The following SLCO4A1 variants were observed in gnomAD, a reference collection of about 807,000 sequenced individuals.
The protein encoded by SLCO4A1 is solute carrier organic anion transporter family member 4A1.
Under a neutral mutation model 64.6 loss-of-function variants are expected in SLCO4A1, and 51 were observed. That is an observed-to-expected ratio of 0.79 (90% CI 0.63 to 1.00). The LOEUF (loss-of-function observed/expected upper bound fraction) is 1.00, where lower values mean the gene tolerates loss of function less well. Among genes scored for constraint, SLCO4A1 ranks in the 50% least tolerant of loss-of-function variants. The pLI is 0.00. For missense variants in SLCO4A1, 919 were observed against 980.5 expected, an observed-to-expected ratio of 0.94 and a Z score of 0.84; for synonymous variants, 471 against 444.9, an observed-to-expected ratio of 1.06 and a Z score of -0.74.
intron 1 of SLCO4A1, chr20:62,652,081 G>A (rs942403101): frequency 6.8e-5 from 5 of 73,066 alleles, no homozygotes; most frequent in African/African-American, 2.2e-4. Flanking sequence ...CCCCCTCCCC[G>A]TGCCAGCACG....
At chr20:62,666,694 GGACAGCGGCAA>G in intron 7 of SLCO4A1, 119 bp downstream of exon 7, 1 of 897,680 alleles carries the variant, frequency 1.1e-6, no homozygotes, top group African/African-American at 1.7e-5. Context: ...CTACGTCACA[GGACAGCGGCAA>G]GGGCAACACC....
intron 2 of SLCO4A1, among the ~76,000 whole-genome samples, chr20:62,682,235 G>A (rs940362463): frequency 2.6e-5 from 4 of 152,204 alleles, no homozygotes; most frequent in Non-Finnish European, 5.9e-5. Context: ...GGAGCCGTAC[G>A]CCTGCAGCAC....
intron 1 of SLCO4A1, among the ~76,000 whole-genome samples, chr20:62,655,885 A>C (rs62199880): frequency 0.92 from 140,272 of 152,042 alleles, 65,560 homozygotes; most frequent in East Asian, 1. Context: ...CTCCAGGACC[A>C]AGGTGGAGTC....
chr20:62,653,387 C>T (rs2257367), intron 1 of SLCO4A1, among the ~76,000 whole-genome samples: 74,180 of 152,140 alleles, frequency 0.49, 21,450 homozygotes, highest in East Asian at 0.82. Context: ...GGCCTGCTCC[C>T]GGCCTGACCA....
downstream of SLCO4A1, among the ~76,000 whole-genome samples, chr20:62,676,961 T>C (rs1240619266): frequency 6.6e-6 from 1 of 152,190 alleles, no homozygotes; most frequent in Non-Finnish European, 1.5e-5. Context: ...TGGCCGTCAA[T>C]CAGAAAGAAT....
Position 62,656,722 on chromosome 20 carries a change from GC to G in SLCO4A1, c.270del (p.Phe91SerfsTer28). On this transcript the variant is annotated frameshift_variant, in exon 2 of 12. Transcript: ENST00000217159. LOFTEE classifies it high-confidence loss of function. ...AGQSVACGWW[A>X]FAPPCLQVLN... Reference sequence around the variant, plus strand: ...GCAGAGCGTGGCGTGCGGCTGGTGGGCCTTCGCACCGCCGTGCCTGCAGGTC... The same window carrying G: ...GCAGAGCGTGGCGTGCGGCTGGTGGGCTTCGCACCGCCGTGCCTGCAGGTC... The G allele has an allele frequency of 6.2e-7, 1 of 1,611,038 alleles. No homozygotes were observed. The highest frequency in any genetic ancestry group is 8.5e-7 in the Non-Finnish European group (1 of 1,179,140).
chr20:62,651,059 G>A (rs534503162), intron 1 of SLCO4A1, among the ~76,000 whole-genome samples: 13 of 152,258 alleles, frequency 8.5e-5, no homozygotes, highest in African/African-American at 2.2e-4. Context: ...CCTCCTCATC[G>A]CCCTGAGAGT....
chr20:62,649,020 G>A (rs1355456129), intron 1 of SLCO4A1: 2 of 152,238 alleles, frequency 1.3e-5, no homozygotes, highest in South Asian at 2.1e-4. Context: ...CAACAGGATA[G>A]GTGGAAAGAG....
chr20:62,656,253 C>A (rs878922985), intron 1 of SLCO4A1, 106 bp from the exon 2 acceptor site: 4 of 549,882 alleles, frequency 7.3e-6, no homozygotes, highest in Non-Finnish European at 1.3e-5. Context: ...ACAAGGCAGG[C>A]AGAGCTTTGA....
chr20:62,660,285 T>C, intron 3 of SLCO4A1, 127 bp from the exon 4 acceptor site: 1 of 1,094,130 alleles, frequency 9.1e-7, no homozygotes. Context: ...CAGGGGCCTG[T>C]GTTGACCAGC....
rs1983943676 is a variant in SLCO4A1 at position 62,657,368 on chromosome 20, T to C, written c.796+118T>C. On this transcript the variant is annotated intron_variant, in intron 2 of 11. Coordinates refer to ENST00000217159, the MANE Select transcript of SLCO4A1 (RefSeq NM_016354.4). ...TGCCTTCGTGTACCCCTTGTCTGCA[T>C]GGCCCTGGGGCTGCTGCAAGAGTTG... The C allele has an allele frequency of 3.0e-6, 3 of 990,422 alleles. No homozygotes were observed. In the African/African-American group the frequency reaches 4.9e-5, roughly 16 times the overall value. 61.4% of individuals were successfully genotyped at this position (990,422 alleles called of 1,614,324 possible). A position where few individuals can be genotyped will look rare whatever the true frequency, so the allele number is the denominator to read the frequency against.
rs981226208 is a variant in SLCO4A1, at chr20:62,645,973, T to C, written c.-97+3420T>C. Among the ~76,000 whole-genome samples the C allele has an allele frequency of 6.6e-6, 1 of 152,146 alleles. No homozygotes were observed. The highest frequency in any genetic ancestry group is 1.9e-4 in the East Asian group (1 of 5,156). ...GGGGCCCTTGCATTTGCCACTGGAC[T>C]CTGCCTTTCGGGAGGCGCTGTGGAC... On this transcript the variant is annotated intron_variant, in intron 1 of 11. Coordinates refer to ENST00000217159, the MANE Select transcript of SLCO4A1 (RefSeq NM_016354.4). This position sits in a 1 kb window ranked among gnomAD's most constrained non-coding sequence, Gnocchi z 4.2.
At chr20:62,660,567 TG>T in intron 4 of SLCO4A1, 34 bp downstream of exon 4, 1 of 1,600,462 alleles carries the variant, frequency 6.2e-7, no homozygotes. Flanking sequence ...GCCTTCACAT[TG>T]GGAGACTGTC....
At chr20:62,666,249 G>T in intron 6 of SLCO4A1, 131 bp from the exon 7 acceptor site, 1 of 718,718 alleles carries the variant, frequency 1.4e-6, no homozygotes, top group Admixed American at 2.5e-5. Flanking sequence ...GTTGAGTGCT[G>T]CCATGCAGGC....
At position 62,656,916 on chromosome 20, in the gene SLCO4A1, C is replaced by CCT. The variant is rs765701485; in HGVS notation, c.465_466dup (p.Cys156SerfsTer127). 1 of 1,567,756 alleles carries CCT rather than the reference C, an allele frequency of 6.4e-7. No individual in the cohort carries two copies. The highest frequency in any genetic ancestry group is 2.3e-5 in the East Asian group (1 of 44,226). The stretch of plus-strand genomic sequence containing the variant: ...CCAGCTCCTACGACATTGCCGCCTG[C>CCT]CTCTGCCTCACCTTCGTCAGCTACT... On this transcript the variant is annotated frameshift_variant, in exon 2 of 12. Coordinates refer to ENST00000217159, the MANE Select transcript of SLCO4A1 (RefSeq NM_016354.4). LOFTEE classifies it high-confidence loss of function.
At chr20:62,677,189 T>G (rs1369361410), downstream of SLCO4A1, among the ~76,000 whole-genome samples, 4 of 152,222 alleles carry the variant, frequency 2.6e-5, no homozygotes, top group Admixed American at 6.5e-5. Context: ...GGTGCAGTGA[T>G]GAAATGTTCT....
chr20:62,660,592 G>C, intron 4 of SLCO4A1, 59 bp downstream of exon 4: 2 of 1,570,120 alleles, frequency 1.3e-6, no homozygotes, highest in Non-Finnish European at 8.7e-7. Context: ...TAGTCTTCGC[G>C]AAGGGGGCAC....
chr20:62,682,666 CA>C (rs1987889088), intron 2 of SLCO4A1, among the ~76,000 whole-genome samples: 4 of 152,288 alleles, frequency 2.6e-5, no homozygotes, highest in African/African-American at 9.6e-5. Flanking sequence ...CACACACACA[CA>C]CACACACACA....
chr20:62,686,201 C>T (rs996945068), downstream of SLCO4A1, among the ~76,000 whole-genome samples: 2 of 152,190 alleles, frequency 1.3e-5, no homozygotes, highest in African/African-American at 4.8e-5. Context: ...CGCCCCAGTG[C>T]GGAGCTCCTG....
Sources: gnomAD v4.1 joint callset for allele counts (sites outside exome capture counted in the v4.1 genomes callset) on GRCh38, gnomAD v4.1.1 for gene constraint, Gnocchi (gnomAD v3.1) non-coding constraint, MANE v1.5 for transcripts, NCBI Gene and HGNC (gene_info 2026-07-23, HGNC 2026-07-21) for gene names.